GALNT14: variants seen among roughly 807,000 people sequenced by gnomAD.
GALNT14 encodes the protein polypeptide N-acetylgalactosaminyltransferase 14, also known as UDP-GalNAc:polypeptide N-acetylgalactosaminyltransferase 14.
Under a neutral mutation model 77.5 loss-of-function variants are expected in GALNT14, and 60 were observed. That is an observed-to-expected ratio of 0.77 (90% CI 0.63 to 0.96). GALNT14 has a LOEUF of 0.96. GALNT14 is among the 40% of genes least tolerant of loss of function. GALNT14 has a pLI of 0.00. For synonymous variants in GALNT14, 280 were observed against 281.7 expected (o/e 0.99, Z 0.06); for missense variants, 710 against 731.0 (o/e 0.97, Z 0.33).
At position 31,025,451 on chromosome 2, in the gene GALNT14, T is replaced by C. The variant is rs1485123118; in HGVS notation, c.130-32444A>G. 2.0e-5 allele frequency among the ~76,000 whole-genome samples: 3 copies of C among 151,858 alleles called. No individual in the cohort carries two copies. The East Asian group carries it at 5.8e-4, about 29-fold the overall frequency. Reference sequence around the variant, plus strand: ...GAGATGGATGGGGAGAGAGCACAAGTGACAAGCTAAGGAGGCCACTGGAAT... The same window carrying C: ...GAGATGGATGGGGAGAGAGCACAAGCGACAAGCTAAGGAGGCCACTGGAAT... On this transcript the variant is annotated intron_variant, in intron 1 of 14. Transcript: ENST00000349752.
rs182138631 is a variant in GALNT14, at chr2:31,133,052, A to C, written c.129+4906T>G. ...GACAGCTTTGACTCCCCATGATCTC[A>C]TCTCCAACCCTACCAATCAATACTT... On this transcript the variant is annotated intron_variant, in intron 1 of 14. Coordinates refer to ENST00000349752, the MANE Select transcript of GALNT14 (RefSeq NM_024572.4). Among the ~76,000 whole-genome samples, 818 of 151,920 alleles carry C rather than the reference A, an allele frequency of 5.4e-3. 10 individuals carry two copies. Among genetic ancestry groups the C allele is most frequent in the African/African-American group, 0.019 (776 of 41,394 alleles).
intron 1 of GALNT14, among the ~76,000 whole-genome samples, chr2:31,072,453 T>A (rs1462978865): frequency 6.6e-6 from 1 of 152,000 alleles, no homozygotes; most frequent in Non-Finnish European, 1.5e-5. Flanking sequence ...CTCTCTTTCA[T>A]CCTCTTTCTG....
At chr2:31,062,397 T>A (rs1301475229) in intron 1 of GALNT14, among the ~76,000 whole-genome samples, 2 of 152,196 alleles carry the variant, frequency 1.3e-5, no homozygotes, top group Non-Finnish European at 2.9e-5. Context: ...GAGCTTATTC[T>A]TTTTTATGGC....
At chr2:31,130,076 T>C (rs1678901211) in intron 1 of GALNT14, among the ~76,000 whole-genome samples, 1 of 152,238 alleles carries the variant, frequency 6.6e-6, no homozygotes, top group Non-Finnish European at 1.5e-5. Flanking sequence ...GAAAGATCTC[T>C]GTAGTGCTTA....
chr2:31,091,797 C>T (rs1383672068), intron 1 of GALNT14, among the ~76,000 whole-genome samples: 1 of 152,136 alleles, frequency 6.6e-6, no homozygotes, highest in South Asian at 2.1e-4. Context: ...GTCAGTCAAC[C>T]TGATTGGATT....
At chr2:31,125,578 G>A (rs1678666373) in intron 1 of GALNT14, among the ~76,000 whole-genome samples, 1 of 152,158 alleles carries the variant, frequency 6.6e-6, no homozygotes, top group Admixed American at 6.5e-5. Context: ...GGGAAGTCTT[G>A]GCACAGAAAG....
Position 30,989,579 on chromosome 2 carries a change from T to TATATATATATATATATATATATACAC in GALNT14, c.299+3258_299+3259insGTGTATATATATATATATATATATAT, listed in dbSNP as rs1553351610. On this transcript the variant is annotated intron_variant, in intron 2 of 14. Transcript: ENST00000349752. ...AATACCTTATATATATATATATATATATAAAAATATATATATTAGTAGATA... is the reference window on the plus strand; with the variant it reads ...AATACCTTATATATATATATATATATATATATATATATATATATATATACACATAAAAATATATATATTAGTAGATA... 5.7e-4 allele frequency among the ~76,000 whole-genome samples: 73 copies of TATATATATATATATATATATATACAC among 127,174 alleles called. No homozygotes were observed. In the South Asian group the frequency reaches 8.3e-3, roughly 14 times the overall value. 83.4% of individuals were successfully genotyped at this position (127,174 alleles called of 152,430 possible). A position where few individuals can be genotyped will look rare whatever the true frequency, so the allele number is the denominator to read the frequency against.
intron 1 of GALNT14, among the ~76,000 whole-genome samples, chr2:31,060,246 CCATT>C (rs1450973165): frequency 6.6e-6 from 1 of 152,126 alleles, no homozygotes. Flanking sequence ...TCTATTGTGA[CCATT>C]CAGTTTTCCA....
At chr2:31,033,614 C>A (rs1321117890) in intron 1 of GALNT14, among the ~76,000 whole-genome samples, 1 of 152,116 alleles carries the variant, frequency 6.6e-6, no homozygotes, top group Non-Finnish European at 1.5e-5. Context: ...TGGCGACTTG[C>A]AACACTGTGA....
intron 1 of GALNT14, chr2:31,079,086 GA>G: frequency 8.1e-7 from 1 of 1,233,410 alleles, no homozygotes; most frequent in Non-Finnish European, 1.0e-6. Context: ...ATAAATACAT[GA>G]AAATGCATAT....
At chr2:30,894,251 C>T in the GALNT14 span, among the ~76,000 whole-genome samples, 2 of 152,182 alleles carry the variant, frequency 1.3e-5, no homozygotes, top group Admixed American at 1.3e-4. Flanking sequence ...ACTGTAGCCT[C>T]AGTAGACCTG....
intron 1 of GALNT14, among the ~76,000 whole-genome samples, chr2:31,093,890 A>T (rs1327308431): frequency 1.3e-5 from 2 of 152,240 alleles, no homozygotes; most frequent in Non-Finnish European, 2.9e-5. Flanking sequence ...GCAGGACCTG[A>T]GAGGTCCTTC....
At chr2:31,011,277 A>G (rs1255300661) in intron 1 of GALNT14, among the ~76,000 whole-genome samples, 1 of 152,230 alleles carries the variant, frequency 6.6e-6, no homozygotes, top group Non-Finnish European at 1.5e-5. Flanking sequence ...TGTGCCAGGC[A>G]TACTTTTAGC....
downstream of GALNT14, among the ~76,000 whole-genome samples, chr2:30,910,213 T>TA (rs892396017): frequency 4.2e-4 from 58 of 138,828 alleles, no homozygotes; most frequent in Middle Eastern, 7.1e-3. Flanking sequence ...AGTATAATAA[T>TA]AAAAAAAAAA....
At chr2:30,895,926 C>CAA in the GALNT14 span, among the ~76,000 whole-genome samples, 1 of 152,164 alleles carries the variant, frequency 6.6e-6, no homozygotes, top group Non-Finnish European at 1.5e-5. Context: ...TTTACATATA[C>CAA]ATTTGGGGGG....
At chr2:30,977,465 A>T (rs1458612879) in intron 2 of GALNT14, among the ~76,000 whole-genome samples, 1 of 152,156 alleles carries the variant, frequency 6.6e-6, no homozygotes. Flanking sequence ...GGTGTGGGTC[A>T]TCCCTCACTT....
chr2:31,090,050 C>T (rs1037342297), intron 1 of GALNT14, among the ~76,000 whole-genome samples: 4 of 152,202 alleles, frequency 2.6e-5, no homozygotes, highest in African/African-American at 7.2e-5. Flanking sequence ...ACTTGTAAGG[C>T]AAGGGTGGGT....
rs10207025 is a variant in GALNT14 at position 31,052,854 on chromosome 2, T to A, written c.130-59847A>T. Among the ~76,000 whole-genome samples the A allele has an allele frequency of 7.7e-3, 1,169 of 152,272 alleles. 22 individuals are homozygous for A. The highest frequency in any genetic ancestry group is 0.026 in the African/African-American group (1,099 of 41,560). ...CATTATTTGAGATGTGTAATAAAAA[T>A]TATTTGTTTTTTCTCTGAAACCGAA... is the stretch of plus-strand genomic sequence containing the variant. On this transcript the variant is annotated intron_variant, in intron 1 of 14. Coordinates refer to ENST00000349752, the MANE Select transcript of GALNT14 (RefSeq NM_024572.4).
At chr2:31,000,442 T>C (rs1573128334) in intron 1 of GALNT14, among the ~76,000 whole-genome samples, 1 of 124,132 alleles carries the variant, frequency 8.1e-6, no homozygotes, top group East Asian at 3.5e-4. Context: ...CAACTGTGTG[T>C]GTGTGTGTGT....
Sources: gnomAD v4.1 joint callset for allele counts (sites outside exome capture counted in the v4.1 genomes callset) on GRCh38, gnomAD v4.1.1 for gene constraint, MANE v1.5 for transcripts, NCBI Gene and HGNC (gene_info 2026-07-23, HGNC 2026-07-21) for gene names.